The following ARHGAP35 variants were observed in gnomAD, a reference collection of about 807,000 sequenced individuals.
The protein encoded by ARHGAP35 is Rho GTPase activating protein 35, also known as rho GTPase-activating protein 35.
Under a neutral mutation model 111.1 loss-of-function variants are expected in ARHGAP35, and 15 were observed. The ratio of observed to expected loss-of-function variants is 0.13; its 90% confidence interval spans 0.09 to 0.21. The LOEUF is 0.21. ARHGAP35 is among the 10% of genes least tolerant of loss of function. The pLI is 1.00. For synonymous variants in ARHGAP35, 643 were observed against 710.3 expected (o/e 0.91, Z 1.51); for missense variants, 1,262 against 1,873.0 (o/e 0.67, Z 6.02).
chr19:46,990,324 C>G (rs948127852), intron 5 of ARHGAP35, among the ~76,000 whole-genome samples: 1 of 152,266 alleles, frequency 6.6e-6, no homozygotes, highest in South Asian at 2.1e-4. Flanking sequence ...GCCTGCCTCT[C>G]TGTAGAGGTG....
chr19:46,876,183 A>G (rs2055919255), intron 1 of ARHGAP35, among the ~76,000 whole-genome samples: 1 of 150,202 alleles, frequency 6.7e-6, no homozygotes. Flanking sequence ...CACTACCTGG[A>G]CCTGGCTTTA....
In ARHGAP35 at chr19:46,988,431, T is replaced by C. The variant is rs942455606; in HGVS notation, c.3904+365T>C. ...ATGATATACAAGTCGGGTTGAGATG[T>C]GATCCTGTTTTGCCAGGGCCTCAGA... is the stretch of plus-strand genomic sequence containing the variant. On this transcript the variant is annotated intron_variant, in intron 4 of 6. Coordinates refer to ENST00000672722, the MANE Select transcript of ARHGAP35 (RefSeq NM_004491.5). The surrounding 1 kb of genome is among the most constrained non-coding windows in gnomAD (Gnocchi z 5.4). 1 of 245,474 alleles carries C rather than the reference T, an allele frequency of 4.1e-6. No individual in the cohort carries two copies. The highest frequency in any genetic ancestry group is 2.3e-5 in the African/African-American group (1 of 43,894). 15.2% of individuals were successfully genotyped at this position (245,474 alleles called of 1,614,324 possible).
intron 1 of ARHGAP35, among the ~76,000 whole-genome samples, chr19:46,896,967 C>T (rs1276999334): frequency 2.0e-5 from 3 of 152,030 alleles, no homozygotes; most frequent in African/African-American, 4.8e-5. Flanking sequence ...GATCTTAGCT[C>T]ACTGCAACCT....
chr19:46,892,112 C>T (rs2056026990), intron 1 of ARHGAP35, among the ~76,000 whole-genome samples: 1 of 144,366 alleles, frequency 6.9e-6, no homozygotes, highest in African/African-American at 2.6e-5. Context: ...GTAGTGAAAC[C>T]CTGTCTCTAC....
rs752700390 is a variant in ARHGAP35 at position 47,001,287 on chromosome 19, C to G, written c.*599C>G. ...AACGGAGGATAGCTTTGTGCCTGGA[C>G]CCAGAGAGTGTGGGACTCCCCGCTT... On this transcript the variant is annotated 3_prime_UTR_variant, in exon 7 of 7. Transcript: ENST00000672722. This position sits in a 1 kb window ranked among gnomAD's most constrained non-coding sequence, Gnocchi z 5.4. 1.2e-4 allele frequency: 153 copies of G among 1,290,144 alleles called. 1 individual carries two copies. The highest frequency in any genetic ancestry group is 2.3e-5 in the Admixed American group (1 of 43,534). The allele number at this position is 1,290,144 out of a possible 1,614,324, so 79.9% of individuals were successfully genotyped here.
At position 46,965,466 on chromosome 19, in the gene ARHGAP35, TTTTGTTTG is replaced by T. The variant is rs146545859; in HGVS notation, c.3827-22495_3827-22488del. On this transcript the variant is annotated intron_variant, in intron 3 of 6. Coordinates refer to ENST00000672722, the MANE Select transcript of ARHGAP35 (RefSeq NM_004491.5). ...TTTCTCTGGGTCTTTTTCTTGGGTT[TTTTGTTTG>T]TTTGTTTGTTTGTTTGTTTGTTTGT... 1.1e-3 allele frequency among the ~76,000 whole-genome samples: 163 copies of T among 150,266 alleles called. 1 individual carries two copies. Among genetic ancestry groups the T allele is most frequent in the Middle Eastern group, 3.4e-3 (1 of 290 alleles).
At position 47,005,073 on chromosome 19, in the gene ARHGAP35, C is replaced by A. The variant is rs904587860; in HGVS notation, c.*4385C>A. ...GTTAATAAATGAATCTTGTAAAAAA[C>A]CAAACCTGAGAGAAGTGAAGGGGGG... On this transcript the variant is annotated 3_prime_UTR_variant, in exon 7 of 7. Coordinates refer to ENST00000672722, the MANE Select transcript of ARHGAP35 (RefSeq NM_004491.5). The A allele has an allele frequency of 6.6e-6, 1 of 152,250 alleles. No individual in the cohort carries two copies. Among genetic ancestry groups the A allele is most frequent in the Non-Finnish European group, 1.5e-5 (1 of 68,082 alleles). 9.4% of individuals were successfully genotyped at this position (152,250 alleles called of 1,614,324 possible). A position where few individuals can be genotyped will look rare whatever the true frequency, so the allele number is the denominator to read the frequency against.
chr19:46,964,778 C>T (rs1246356134), intron 3 of ARHGAP35, among the ~76,000 whole-genome samples: 2 of 152,056 alleles, frequency 1.3e-5, no homozygotes, highest in Non-Finnish European at 2.9e-5. Context: ...ATATGTGAAT[C>T]CTTTGATAAA....
chr19:46,959,902 A>C (rs1261160203), intron 3 of ARHGAP35, among the ~76,000 whole-genome samples: 4 of 150,388 alleles, frequency 2.7e-5, no homozygotes, highest in Non-Finnish European at 5.9e-5. Flanking sequence ...GTTCGAGACC[A>C]GCCTGGGCAA....
At chr19:46,866,992 C>G (rs927998426) in intron 1 of ARHGAP35, among the ~76,000 whole-genome samples, 1 of 152,174 alleles carries the variant, frequency 6.6e-6, no homozygotes, top group African/African-American at 2.4e-5. Context: ...ACAAATAATT[C>G]GTGTTCATCT....
At chr19:46,874,527 G>A (rs1338062044) in intron 1 of ARHGAP35, among the ~76,000 whole-genome samples, 4 of 122,988 alleles carry the variant, frequency 3.3e-5, no homozygotes, top group East Asian at 2.1e-4. Context: ...TTTTTGAGTC[G>A]GAGTCTTGCT....
intron 3 of ARHGAP35, among the ~76,000 whole-genome samples, chr19:46,956,990 C>T (rs144698264): frequency 9.7e-5 from 12 of 123,462 alleles, no homozygotes; most frequent in Admixed American, 3.8e-4. Flanking sequence ...GACGGAGTCT[C>T]GCTCTGTCGC....
intron 5 of ARHGAP35, among the ~76,000 whole-genome samples, chr19:46,998,539 C>T (rs1373124453): frequency 6.6e-6 from 1 of 152,202 alleles, no homozygotes; most frequent in Non-Finnish European, 1.5e-5. Flanking sequence ...CAGCTCAGGC[C>T]CCACAGCCAG....
rs190805547 is a variant in ARHGAP35, at chr19:46,967,918, C to T, written c.3827-20071C>T. On this transcript the variant is annotated intron_variant, in intron 3 of 6. Coordinates refer to ENST00000672722, the MANE Select transcript of ARHGAP35 (RefSeq NM_004491.5). ...ACGCCCGGAGTCCTTCTCTGACCTGCTCTGTGAGCCAGGGCTCCCTGCCAT... is the reference window on the plus strand; with the variant it reads ...ACGCCCGGAGTCCTTCTCTGACCTGTTCTGTGAGCCAGGGCTCCCTGCCAT... 9.2e-5 allele frequency among the ~76,000 whole-genome samples: 14 copies of T among 152,348 alleles called. No individual in the cohort carries two copies. In the East Asian group the frequency reaches 2.7e-3, roughly 29 times the overall value.
chr19:46,976,284 A>G (rs961626877), intron 3 of ARHGAP35, among the ~76,000 whole-genome samples: 10 of 148,454 alleles, frequency 6.7e-5, no homozygotes, highest in African/African-American at 2.0e-4. Flanking sequence ...AGTTAAGCAC[A>G]AGTCACTTGC....
intron 3 of ARHGAP35, among the ~76,000 whole-genome samples, chr19:46,940,486 C>A (rs1599835390): frequency 6.6e-6 from 1 of 152,140 alleles, no homozygotes; most frequent in African/African-American, 2.4e-5. Flanking sequence ...CGAGATCACG[C>A]CACTGCACTC....
At chr19:46,978,534 TGGGA>T (rs2056591818) in intron 3 of ARHGAP35, among the ~76,000 whole-genome samples, 2 of 124,360 alleles carry the variant, frequency 1.6e-5, no homozygotes, top group South Asian at 2.8e-4. Flanking sequence ...GTGTGTGTGG[TGGGA>T]TGTGTGTGTG....
chr19:46,865,037 C>T (rs1044315980), intron 1 of ARHGAP35, among the ~76,000 whole-genome samples: 3 of 152,186 alleles, frequency 2.0e-5, no homozygotes, highest in South Asian at 2.1e-4. Flanking sequence ...CTGATTTTTC[C>T]ACCTTAACTG....
intron 3 of ARHGAP35, among the ~76,000 whole-genome samples, chr19:46,984,633 C>T (rs1486978703): frequency 1.3e-5 from 2 of 152,206 alleles, no homozygotes; most frequent in African/African-American, 4.8e-5. Context: ...TGTACGACAG[C>T]AGCAGGGTTG....
Sources: gnomAD v4.1 joint callset for allele counts (sites outside exome capture counted in the v4.1 genomes callset) on GRCh38, gnomAD v4.1.1 for gene constraint, Gnocchi (gnomAD v3.1) non-coding constraint, MANE v1.5 for transcripts, NCBI Gene and HGNC (gene_info 2026-07-23, HGNC 2026-07-21) for gene names.